QRFPR: variants seen among roughly 807,000 people sequenced by gnomAD.
QRFPR encodes the protein pyroglutamylated RF-amide peptide receptor.
Under a neutral mutation model 31.3 loss-of-function variants are expected in QRFPR, and 37 were observed. The ratio of observed to expected loss-of-function variants is 1.18; its 90% CI spans 0.91 to 1.56. QRFPR has a LOEUF of 1.56. QRFPR is among the 40% of genes most tolerant of loss of function. The pLI is 0.00. For missense variants in QRFPR, 542 were observed against 532.5 expected, an observed-to-expected ratio of 1.02 and a Z score of -0.18; for synonymous variants, 197 against 192.0, an observed-to-expected ratio of 1.03 and a Z score of -0.22.
At chr4:121,330,664 G>A (rs1725304895) in intron 4 of QRFPR, 141 bp from the exon 5 acceptor site, 3 of 624,178 alleles carry the variant, frequency 4.8e-6, no homozygotes, top group Admixed American at 2.7e-5. Context: ...TTCGTGGGCT[G>A]ATTATCATCT....
intron 1 of QRFPR, among the ~76,000 whole-genome samples, chr4:121,342,716 C>T (rs541220284): frequency 1.0e-4 from 15 of 146,962 alleles, no homozygotes; most frequent in South Asian, 2.1e-4. Flanking sequence ...CTATTTTTTT[C>T]GCTGATGTAT....
intron 1 of QRFPR, among the ~76,000 whole-genome samples, chr4:121,342,850 T>C (rs961127822): frequency 1.2e-4 from 19 of 152,144 alleles, no homozygotes; most frequent in African/African-American, 3.9e-4. Context: ...GAGGCCCTAA[T>C]TGGAAAAAGT....
At chr4:121,330,665 A>G in intron 4 of QRFPR, 142 bp from the exon 5 acceptor site, 3 of 624,648 alleles carry the variant, frequency 4.8e-6, no homozygotes, top group Non-Finnish European at 8.6e-6. Context: ...TCGTGGGCTG[A>G]TTATCATCTT....
In QRFPR at chr4:121,352,571, A is replaced by T. The variant is rs1560739186; in HGVS notation, c.341-11961T>A. 2.6e-5 allele frequency among the ~76,000 whole-genome samples: 4 copies of T among 152,190 alleles called. No individual in the cohort carries two copies. In the South Asian group the frequency reaches 8.3e-4, roughly 32 times the overall value. On this transcript the variant is annotated intron_variant, in intron 1 of 5. Transcript: ENST00000394427. ...AGTTAAAACACTGGCCTAATTTTTT[A>T]AAAGTTATTTTTAATTATAATGAAT...
Position 121,329,674 on chromosome 4 carries a change from C to A in QRFPR, c.936G>T (p.Met312Ile). ...CAATAATTTGCACGATAGCAAAAAT[C>A]ATCTTGATTGTGACATCATCATATT... ...EKEYDDVTIK[M>I]IFAIVQIIGF... Residue 312 changes from methionine to isoleucine, a missense_variant, in exon 6 of 6, where the codon ATG becomes ATT. By Grantham distance (10) the Met-to-Ile change is conservative. Transcript: ENST00000394427. The A allele has an allele frequency of 6.4e-7, 1 of 1,572,498 alleles. No individual in the cohort carries two copies. Among genetic ancestry groups the A allele is most frequent in the South Asian group, 1.2e-5 (1 of 83,882 alleles).
intron 1 of QRFPR, among the ~76,000 whole-genome samples, chr4:121,362,121 T>C (rs1726004695): frequency 6.7e-6 from 1 of 150,236 alleles, no homozygotes; most frequent in Admixed American, 6.6e-5. Flanking sequence ...CAGCTCAGTA[T>C]ATAATTCTGG....
chr4:121,370,629 A>G (rs1215142749), intron 1 of QRFPR, among the ~76,000 whole-genome samples: 1 of 152,204 alleles, frequency 6.6e-6, no homozygotes, highest in African/African-American at 2.4e-5. Context: ...CAGTGACTTC[A>G]AAGGTCTCCA....
rs555105500 is a variant in QRFPR at position 121,356,684 on chromosome 4, T to C, written c.341-16074A>G. On this transcript the variant is annotated intron_variant, in intron 1 of 5. Coordinates refer to ENST00000394427, the MANE Select transcript of QRFPR (RefSeq NM_198179.3). ...GGTACACTGCTCTGATGGACTTGGG[T>C]AAGATAAGGAAGAATCCCTGAGCTA... Among the ~76,000 whole-genome samples, 32 of 152,216 alleles carry C rather than the reference T, an allele frequency of 2.1e-4. 1 individual carries two copies. Among genetic ancestry groups the C allele is most frequent in the South Asian group, 2.1e-3 (10 of 4,824 alleles).
At chr4:121,376,075 T>A (rs1160138536) in intron 1 of QRFPR, among the ~76,000 whole-genome samples, 1 of 152,226 alleles carries the variant, frequency 6.6e-6, no homozygotes, top group Non-Finnish European at 1.5e-5. Context: ...ACAAATCCAC[T>A]TCTGCAGTCT....
intron 1 of QRFPR, among the ~76,000 whole-genome samples, chr4:121,346,704 T>C (rs1168160695): frequency 6.6e-6 from 1 of 152,200 alleles, no homozygotes; most frequent in Non-Finnish European, 1.5e-5. Context: ...AATTCAGAAA[T>C]CTCTGTATTA....
rs755461217 is a variant in QRFPR at position 121,332,782 on chromosome 4, A to G, written c.797+39T>C. 2.0e-6 allele frequency: 3 copies of G among 1,484,488 alleles called. No homozygotes were observed. In the East Asian group the frequency reaches 6.9e-5, roughly 34 times the overall value. 92.0% of individuals were successfully genotyped at this position (1,484,488 alleles called of 1,614,324 possible). A position where few individuals can be genotyped will look rare whatever the true frequency, so the allele number is the denominator to read the frequency against. On this transcript the variant is annotated intron_variant, in intron 4 of 5. Coordinates refer to ENST00000394427, the MANE Select transcript of QRFPR (RefSeq NM_198179.3). Reference sequence around the variant, plus strand: ...ACCATCCCTTCCAGCACAATTAATTAAAAATAATTTAAAGAGGTGAATATT... The same window carrying G: ...ACCATCCCTTCCAGCACAATTAATTGAAAATAATTTAAAGAGGTGAATATT...
In QRFPR at chr4:121,336,806, C is replaced by T. The variant is rs1463982565; in HGVS notation, c.561+1G>A. Reference sequence around the variant, plus strand: ...GATTATACATCTCAACTGGAGTCTACCTCAAGTTGTTGCACGTGCCACATG... The same window carrying T: ...GATTATACATCTCAACTGGAGTCTATCTCAAGTTGTTGCACGTGCCACATG... On this transcript the variant is annotated splice_donor_variant, in intron 3 of 5. Transcript: ENST00000394427. LOFTEE classifies it high-confidence loss of function. The T allele has an allele frequency of 1.9e-6, 3 of 1,608,182 alleles. No homozygotes were observed. The highest frequency in any genetic ancestry group is 2.6e-6 in the Non-Finnish European group (3 of 1,174,676).
intron 1 of QRFPR, among the ~76,000 whole-genome samples, chr4:121,355,413 AT>A (rs1725847855): frequency 6.6e-6 from 1 of 152,048 alleles, no homozygotes; most frequent in South Asian, 2.1e-4. Flanking sequence ...ATCAGTTGTA[AT>A]GTCTCCCTTT....
intron 1 of QRFPR, among the ~76,000 whole-genome samples, chr4:121,345,369 C>T (rs867609685): frequency 6.6e-6 from 1 of 152,296 alleles, no homozygotes; most frequent in Non-Finnish European, 1.5e-5. Flanking sequence ...ATCCTGTGAG[C>T]CTTCAACATC....
At chr4:121,360,339 T>G (rs1197639019) in intron 1 of QRFPR, among the ~76,000 whole-genome samples, 1 of 152,206 alleles carries the variant, frequency 6.6e-6, no homozygotes, top group Non-Finnish European at 1.5e-5. Flanking sequence ...AGGTAAATCA[T>G]TTTTTCATTT....
Position 121,329,107 on chromosome 4 carries a change from A to T in QRFPR, c.*207T>A. On this transcript the variant is annotated 3_prime_UTR_variant, in exon 6 of 6. Coordinates refer to ENST00000394427, the MANE Select transcript of QRFPR (RefSeq NM_198179.3). ...AGTGAAGCAGTGGGAATGAGAAGGA[A>T]CACAGAAATCTGTTAAATGATTGTG... 1 of 463,360 alleles carries T rather than the reference A, an allele frequency of 2.2e-6. No homozygotes were observed. The highest frequency in any genetic ancestry group is 3.7e-6 in the Non-Finnish European group (1 of 267,816). The allele number at this position is 463,360 out of a possible 1,614,324, so 28.7% of individuals were successfully genotyped here. A position where few individuals can be genotyped will look rare whatever the true frequency, so the allele number is the denominator to read the frequency against.
In QRFPR at chr4:121,380,198, AGAG is replaced by A. The variant is rs1726452671; in HGVS notation, c.340+107_340+109del. On this transcript the variant is annotated intron_variant, in intron 1 of 5. Transcript: ENST00000394427. The stretch of plus-strand genomic sequence containing the variant: ...GACAGACGAGAGAGGAGAGAGAGAG[AGAG>A]AGAGAGAGAGAGAGAGAGAGAGAGA... 5.1e-5 allele frequency: 7 copies of A among 137,790 alleles called. No homozygotes were observed. The South Asian group carries it at 6.2e-4, about 12-fold the overall frequency. The allele number at this position is 137,790 out of a possible 1,614,324, so 8.5% of individuals were successfully genotyped here. A position where few individuals can be genotyped will look rare whatever the true frequency, so the allele number is the denominator to read the frequency against.
intron 1 of QRFPR, among the ~76,000 whole-genome samples, chr4:121,346,220 A>G (rs1465897720): frequency 1.3e-5 from 2 of 152,228 alleles, no homozygotes. Context: ...TGTGCCAAAT[A>G]AACAAATCAT....
intron 1 of QRFPR, among the ~76,000 whole-genome samples, chr4:121,347,379 A>T (rs1394879036): frequency 6.6e-6 from 1 of 151,964 alleles, no homozygotes. Context: ...CTTTTAATTT[A>T]TTGATTTCAG....
Sources: allele counts gnomAD v4.1 joint callset (sites outside exome capture counted in the v4.1 genomes callset), GRCh38; gene constraint gnomAD v4.1.1; transcripts MANE v1.5; gene names NCBI Gene and HGNC (gene_info 2026-07-23, HGNC 2026-07-21).